The following ADAMTSL1 variants were observed in gnomAD, a reference collection of about 807,000 sequenced individuals.
The protein encoded by ADAMTSL1 is ADAMTS like 1.
Under a neutral mutation model 201.8 loss-of-function variants are expected in ADAMTSL1, and 126 were observed. That is an observed-to-expected ratio of 0.62 (90% CI 0.54 to 0.72). The LOEUF (loss-of-function observed/expected upper bound fraction) is 0.72, where lower values mean the gene tolerates loss of function less well. ADAMTSL1 is among the 30% of genes least tolerant of loss of function. ADAMTSL1 has a pLI of 0.00. For synonymous variants in ADAMTSL1, 1,121 were observed against 903.4 expected, an observed-to-expected ratio of 1.24 and a Z score of -4.32; for missense variants, 2,679 against 2,277.8, an observed-to-expected ratio of 1.18 and a Z score of -3.59.
Position 18,218,387 on chromosome 9 carries a change from A to AT in ADAMTSL1, c.207+54412dup, listed in dbSNP as rs1491254642. ...TTGGCTGCTAATTCTTACTGTAATC[A>AT]TTTTTTCTGTCACAAATATATTGAC... On this transcript the variant is annotated intron_variant, in intron 2 of 29. Coordinates refer to the ADAMTSL1 transcript ENST00000680146. Among the ~76,000 whole-genome samples the AT allele has an allele frequency of 5.3e-5, 8 of 152,128 alleles. 1 individual carries two copies. The highest frequency in any genetic ancestry group is 3.3e-4 in the Admixed American group (5 of 15,258).
At chr9:18,289,328 A>T (rs1004886015) in intron 2 of ADAMTSL1, among the ~76,000 whole-genome samples, 3 of 152,170 alleles carry the variant, frequency 2.0e-5, no homozygotes, top group African/African-American at 7.2e-5. Context: ...CTGAGTTTGG[A>T]GGGCTAAGAA....
chr9:18,565,868 G>T (rs1347312635), intron 3 of ADAMTSL1, among the ~76,000 whole-genome samples: 6 of 152,154 alleles, frequency 3.9e-5, no homozygotes, highest in Non-Finnish European at 8.8e-5. Flanking sequence ...TAATCAGGTG[G>T]CCAAAATTTG....
In ADAMTSL1 at chr9:18,238,571, GA is replaced by G. The variant is rs201104434; in HGVS notation, c.207+74591del. Among the ~76,000 whole-genome samples, 649 of 152,278 alleles carry G rather than the reference GA, an allele frequency of 4.3e-3. 13 individuals are homozygous for G. The highest frequency in any genetic ancestry group is 0.039 in the Admixed American group (604 of 15,298). On this transcript the variant is annotated intron_variant, in intron 2 of 29. Transcript: ENST00000680146. ...TGGCGTCATTAGGAATGTTAGGTGA[GA>G]TGAGTCAGCACTGGTTTGACATGTA...
intron 1 of ADAMTSL1, among the ~76,000 whole-genome samples, chr9:18,116,184 T>A (rs1438836973): frequency 1.3e-5 from 2 of 152,152 alleles, no homozygotes; most frequent in African/African-American, 4.8e-5. Flanking sequence ...TTTCACTGCA[T>A]AAACAGTGAA....
intron 4 of ADAMTSL1, among the ~76,000 whole-genome samples, chr9:18,621,363 C>T (rs1231589202): frequency 2.0e-5 from 3 of 152,110 alleles, no homozygotes; most frequent in African/African-American, 7.2e-5. Context: ...GTCTTTAGAA[C>T]TCAGCTGCTT....
At chr9:18,354,546 T>G (rs956719350) in intron 2 of ADAMTSL1, among the ~76,000 whole-genome samples, 1 of 152,228 alleles carries the variant, frequency 6.6e-6, no homozygotes, top group African/African-American at 2.4e-5. Context: ...GATTTCATTA[T>G]CCCTTCCTCT....
At chr9:18,137,788 AG>A (rs1826222858) in intron 1 of ADAMTSL1, among the ~76,000 whole-genome samples, 1 of 152,216 alleles carries the variant, frequency 6.6e-6, no homozygotes, top group South Asian at 2.1e-4. Flanking sequence ...AGTAGCCAAA[AG>A]TTCCACTTTA....
intron 15 of ADAMTSL1, among the ~76,000 whole-genome samples, chr9:18,730,938 G>A (rs75265158): frequency 1.4e-3 from 214 of 152,316 alleles, no homozygotes; most frequent in African/African-American, 4.8e-3. Flanking sequence ...CCCTCTGCCC[G>A]AGTTGCCTGG....
intron 2 of ADAMTSL1, among the ~76,000 whole-genome samples, chr9:18,442,041 T>C (rs1427778733): frequency 1.3e-5 from 2 of 152,220 alleles, no homozygotes; most frequent in Non-Finnish European, 2.9e-5. Context: ...GTGAATAAAG[T>C]TTTGGCTATA....
intron 1 of ADAMTSL1, among the ~76,000 whole-genome samples, chr9:17,976,626 G>GT (rs1312444746): frequency 2.0e-5 from 3 of 151,538 alleles, no homozygotes; most frequent in African/African-American, 4.9e-5. Context: ...AGTCCTAACA[G>GT]CTTTTTGGTG....
intron 1 of ADAMTSL1, among the ~76,000 whole-genome samples, chr9:18,037,543 G>T (rs1440747862): frequency 1.3e-5 from 2 of 152,102 alleles, no homozygotes; most frequent in Admixed American, 1.3e-4. Context: ...AAGTGTTAAT[G>T]ATTGTCAAAG....
intron 2 of ADAMTSL1, among the ~76,000 whole-genome samples, chr9:18,254,417 C>T (rs951628438): frequency 2.6e-5 from 3 of 114,858 alleles, no homozygotes; most frequent in Non-Finnish European, 3.2e-5. Flanking sequence ...GGCTGGAGTA[C>T]AGTGGCGCGA....
At chr9:18,383,756 C>G (rs1352726120) in intron 2 of ADAMTSL1, among the ~76,000 whole-genome samples, 1 of 152,166 alleles carries the variant, frequency 6.6e-6, no homozygotes, top group African/African-American at 2.4e-5. Context: ...TTCTTCCAGC[C>G]AGTTAGAACT....
intron 1 of ADAMTSL1, among the ~76,000 whole-genome samples, chr9:18,135,638 CA>C (rs1364571673): frequency 6.6e-6 from 1 of 152,042 alleles, no homozygotes; most frequent in Non-Finnish European, 1.5e-5. Context: ...AAAAAAAATA[CA>C]GAGTTTTCTT....
intron 7 of ADAMTSL1, among the ~76,000 whole-genome samples, chr9:18,650,195 C>T (rs1435871764): frequency 6.6e-6 from 1 of 152,234 alleles, no homozygotes; most frequent in Non-Finnish European, 1.5e-5. Context: ...CCCTCTGAGC[C>T]ATGTGCGGGA....
intron 2 of ADAMTSL1, among the ~76,000 whole-genome samples, chr9:18,312,035 G>T (rs1834177270): frequency 1.3e-5 from 2 of 152,214 alleles, no homozygotes; most frequent in Admixed American, 1.3e-4. Context: ...AGTTCCCACA[G>T]AGCTTACATC....
chr9:18,092,939 G>C (rs1336496626), intron 1 of ADAMTSL1, among the ~76,000 whole-genome samples: 2 of 152,132 alleles, frequency 1.3e-5, no homozygotes, highest in African/African-American at 2.4e-5. Context: ...GGAATATCTG[G>C]GAAGCTGAAC....
chr9:17,960,520 TG>T (rs1350929911), intron 1 of ADAMTSL1, among the ~76,000 whole-genome samples: 1 of 152,184 alleles, frequency 6.6e-6, no homozygotes, highest in African/African-American at 2.4e-5. Flanking sequence ...ATCAAACTAT[TG>T]TCAGAAACCT....
At chr9:18,637,469 A>G (rs954787383) in intron 6 of ADAMTSL1, among the ~76,000 whole-genome samples, 1 of 152,206 alleles carries the variant, frequency 6.6e-6, no homozygotes, top group African/African-American at 2.4e-5. Flanking sequence ...AGTAGATTTA[A>G]GAGGGAAATT....
Sources: allele counts gnomAD v4.1 joint callset (sites outside exome capture counted in the v4.1 genomes callset), GRCh38; gene constraint gnomAD v4.1.1; transcripts MANE v1.5; gene names NCBI Gene and HGNC (gene_info 2026-07-23, HGNC 2026-07-21).